ABCC8: variants seen among roughly 807,000 people sequenced by gnomAD.
The protein encoded by ABCC8 is ATP binding cassette subfamily C member 8.
ABCC8 carries 137 observed loss-of-function variants against 188.0 expected under a neutral mutation model. The observed-to-expected ratio is 0.73, with a 90% confidence interval of 0.63 to 0.84. ABCC8 has a LOEUF of 0.84. ABCC8 is among the 40% of genes least tolerant of loss of function. The pLI, the probability that ABCC8 is intolerant of heterozygous loss-of-function variation, is 0.00. For missense variants in ABCC8, 1,750 were observed against 2,072.7 expected (o/e 0.84, Z 3.02); for synonymous variants, 797 against 846.5 (o/e 0.94, Z 1.01).
chr11:17,468,621 C>G (rs1228899416), intron 3 of ABCC8, among the ~76,000 whole-genome samples: 1 of 152,170 alleles, frequency 6.6e-6, no homozygotes, highest in African/African-American at 2.4e-5. Context: ...AATAATGGTA[C>G]CTACCTCATA....
intron 6 of ABCC8, among the ~76,000 whole-genome samples, chr11:17,456,522 T>C (rs75225324): frequency 0.018 from 2,729 of 152,242 alleles, 97 homozygotes; most frequent in African/African-American, 0.063. Context: ...TTTCCTATTT[T>C]GGCAGGTGTC....
chr11:17,446,741 A>G (rs186819984), intron 8 of ABCC8, among the ~76,000 whole-genome samples: 226 of 152,288 alleles, frequency 1.5e-3, no homozygotes, highest in African/African-American at 5.4e-3. Context: ...GACTGTTCCC[A>G]TAAAAAAGAA....
intron 2 of ABCC8, among the ~76,000 whole-genome samples, chr11:17,470,450 C>T (rs1016876297): frequency 6.6e-6 from 1 of 152,094 alleles, no homozygotes; most frequent in Admixed American, 6.5e-5. Context: ...GTGCTGAGCC[C>T]TAAGCACAAG....
chr11:17,405,376 G>A, intron 27 of ABCC8, 118 bp downstream of exon 27: 1 of 1,498,144 alleles, frequency 6.7e-7, no homozygotes, highest in East Asian at 2.3e-5. Context: ...GGGGACACTG[G>A]CTTCTTCCCA....
At position 17,397,306 on chromosome 11, in the gene ABCC8, T is replaced by C. The variant is rs763104338; in HGVS notation, c.3875A>G (p.Asn1292Ser). The change falls in exon 32 of 39, where the codon AAC becomes AGC. Residue 1292 changes from asparagine (N) to serine (S), a missense_variant. Asn to Ser is a conservative substitution (Grantham distance 46, BLOSUM62 1). Transcript: ENST00000389817. ...LGLTYALMVSNYLNWMVRNLA... is the reference protein window; with the variant it reads ...LGLTYALMVSSYLNWMVRNLA... ...GTTCCTCACCATCCAGTTGAGGTAG[T>C]TGGAGACCTGTGGGGAGCAAGCCAG... 3 of 1,611,668 alleles carry C rather than the reference T, an allele frequency of 1.9e-6. No homozygotes were observed. The highest frequency in any genetic ancestry group is 2.2e-5 in the East Asian group (1 of 44,888).
chr11:17,465,306 A>G (rs3819520), intron 3 of ABCC8: 48,471 of 152,118 alleles, frequency 0.32, 7,792 homozygotes, highest in Middle Eastern at 0.45. Context: ...GAGACTTGAA[A>G]ATATGCCTCA....
rs764072922 is a variant in ABCC8, at chr11:17,448,649, A to T, written c.1199T>A (p.Met400Lys). Residue 400 changes from methionine (M) to lysine (K), a missense_variant, in exon 8 of 39, where the codon ATG (methionine) becomes AAG (lysine). Coordinates refer to ENST00000389817, the MANE Select transcript of ABCC8 (RefSeq NM_000352.6). ...AIQTKIYNKIMHLSTSNLSMG... is the reference protein window; with the variant it reads ...AIQTKIYNKIKHLSTSNLSMG... ...GGACAGGTTGGAGGTGGACAGGTGCATAATTTTATTGTAAATCTTGGTCTA... is the reference window on the plus strand; with the variant it reads ...GGACAGGTTGGAGGTGGACAGGTGCTTAATTTTATTGTAAATCTTGGTCTA... 6.2e-7 allele frequency: 1 copy of T among 1,614,206 alleles called. No homozygotes were observed. The highest frequency in any genetic ancestry group is 1.7e-5 in the Admixed American group (1 of 60,022).
intron 3 of ABCC8, among the ~76,000 whole-genome samples, chr11:17,468,748 T>A (rs1395157668): frequency 6.6e-6 from 1 of 152,120 alleles, no homozygotes; most frequent in African/African-American, 2.4e-5. Flanking sequence ...AGTTTCAGGG[T>A]CCACACTGGA....
intron 16 of ABCC8, among the ~76,000 whole-genome samples, chr11:17,425,711 G>T (rs894007515): frequency 1.3e-5 from 2 of 152,024 alleles, no homozygotes; most frequent in Non-Finnish European, 2.9e-5. Context: ...TATACTTCAA[G>T]TTCTGGGATA....
chr11:17,475,172 A>G (rs1353051132), intron 1 of ABCC8, 145 bp from the exon 2 acceptor site: 9 of 1,255,830 alleles, frequency 7.2e-6, no homozygotes, highest in African/African-American at 5.9e-5. Flanking sequence ...GTACACACAA[A>G]CTAAACGTCC....
intron 8 of ABCC8, among the ~76,000 whole-genome samples, chr11:17,445,551 C>A (rs1418838370): frequency 6.6e-6 from 1 of 152,214 alleles, no homozygotes; most frequent in South Asian, 2.1e-4. Context: ...GGGGCTTCTG[C>A]ACTCATGTCA....
chr11:17,410,537 C>G lies in ABCC8; in HGVS notation c.2673G>C (p.Gln891His). ...TCACCCAGTCTGCATGGGGCAGGTACTGTAGCTTGTGGGTCACTAAGACCA... is the reference window on the plus strand; with the variant it reads ...TCACCCAGTCTGCATGGGGCAGGTAGTGTAGCTTGTGGGTCACTAAGACCA... Reference protein sequence around the residue: ...RTVVLVTHKLQYLPHADWIIA... With the variant: ...RTVVLVTHKLHYLPHADWIIA... Residue 891 changes from glutamine to histidine, a missense_variant, in exon 22 of 39, where the codon CAG becomes CAC. Gln to His is a conservative substitution (Grantham distance 24). Coordinates refer to ENST00000389817, the MANE Select transcript of ABCC8 (RefSeq NM_000352.6). 3.1e-6 allele frequency: 5 copies of G among 1,614,166 alleles called. No homozygotes were observed. Among genetic ancestry groups the G allele is most frequent in the Non-Finnish European group, 2.5e-6 (3 of 1,180,022 alleles).
At chr11:17,446,369 C>G (rs1281656350) in intron 8 of ABCC8, among the ~76,000 whole-genome samples, 5 of 152,128 alleles carry the variant, frequency 3.3e-5, no homozygotes, top group African/African-American at 1.2e-4. Flanking sequence ...CTGTGTCTCT[C>G]TGCATCAGAC....
intron 9 of ABCC8, 55 bp from the exon 10 acceptor site, chr11:17,442,937 G>A: frequency 6.2e-7 from 1 of 1,604,680 alleles, no homozygotes; most frequent in Non-Finnish European, 8.5e-7. Flanking sequence ...TCCCACCCGA[G>A]AGGAAGGCCT....
At position 17,401,688 on chromosome 11, in the gene ABCC8, T is replaced by TCTCAG. The variant is rs1271660660; in HGVS notation, c.3650+972_3650+973insCTGAG. On this transcript the variant is annotated intron_variant, in intron 29 of 38. Coordinates refer to ENST00000389817, the MANE Select transcript of ABCC8 (RefSeq NM_000352.6). Reference sequence around the variant, plus strand: ...AAGATGAGAAAAGAGCCCAACTTTGTGTGTCAGGGGTCTCTGGCCTGCCTG... The same window carrying TCTCAG: ...AAGATGAGAAAAGAGCCCAACTTTGTCTCAGGTGTCAGGGGTCTCTGGCCTGCCTG... Among the ~76,000 whole-genome samples the TCTCAG allele has an allele frequency of 2.0e-5, 3 of 152,338 alleles. No individual in the cohort carries two copies. The East Asian group carries it at 5.8e-4, about 29-fold the overall frequency.
At position 17,421,745 on chromosome 11, in the gene ABCC8, A is replaced by T. The variant is rs1292732412; in HGVS notation, c.2223-4783T>A. Among the ~76,000 whole-genome samples the T allele has an allele frequency of 2.0e-5, 3 of 152,234 alleles. No homozygotes were observed. The East Asian group carries it at 5.8e-4, about 29-fold the overall frequency. On this transcript the variant is annotated intron_variant, in intron 16 of 38. Coordinates refer to ENST00000389817, the MANE Select transcript of ABCC8 (RefSeq NM_000352.6). Reference sequence around the variant, plus strand: ...GAAATTTTCCAAAGCACAGAGACCAAATGTGAACCCAGGCAGCTTGGCTGC... The same window carrying T: ...GAAATTTTCCAAAGCACAGAGACCATATGTGAACCCAGGCAGCTTGGCTGC...
intron 36 of ABCC8, among the ~76,000 whole-genome samples, chr11:17,394,655 G>T (rs1297566192): frequency 3.3e-5 from 5 of 152,182 alleles, no homozygotes; most frequent in African/African-American, 1.2e-4. Flanking sequence ...GGGAGGGGGC[G>T]TGTGCACTGA....
At chr11:17,423,543 C>A (rs1955447325) in intron 16 of ABCC8, among the ~76,000 whole-genome samples, 1 of 152,020 alleles carries the variant, frequency 6.6e-6, no homozygotes. Flanking sequence ...TGCAAGCTAA[C>A]AAATGCACTT....
chr11:17,463,157 T>G (rs965957247), intron 4 of ABCC8, among the ~76,000 whole-genome samples: 3 of 152,092 alleles, frequency 2.0e-5, no homozygotes, highest in African/African-American at 7.2e-5. Flanking sequence ...CAGTGCCTGA[T>G]GCTTATCTTC....
Sources: allele counts gnomAD v4.1 joint callset (sites outside exome capture counted in the v4.1 genomes callset), GRCh38; gene constraint gnomAD v4.1.1; transcripts MANE v1.5; gene names NCBI Gene and HGNC (gene_info 2026-07-23, HGNC 2026-07-21).